The following PCGF6 variants were observed in gnomAD, a reference collection of about 807,000 sequenced individuals.
PCGF6 encodes the protein polycomb group RING finger protein 6.
In PCGF6, 24 loss-of-function variants were observed where a neutral mutation model predicts 45.5. That is an observed-to-expected ratio of 0.53 (90% confidence interval 0.38 to 0.74). The LOEUF (loss-of-function observed/expected upper bound fraction) is 0.74. Ranked by LOEUF, PCGF6 falls within the 30% of genes least tolerant of loss-of-function variation. The pLI, the probability that PCGF6 is intolerant of heterozygous loss-of-function variation, is 0.00. For synonymous variants in PCGF6, 152 were observed against 162.1 expected (o/e 0.94, Z 0.47); for missense variants, 356 against 443.2 (o/e 0.80, Z 1.77).
chr10:103,344,579 T>A (rs2093292619), intron 6 of PCGF6, among the ~76,000 whole-genome samples: 1 of 151,714 alleles, frequency 6.6e-6, no homozygotes, highest in South Asian at 2.1e-4. Context: ...TTTTTTTTTT[T>A]GAGATGGAGT....
chr10:103,342,728 T>C (rs1036637226), intron 6 of PCGF6, among the ~76,000 whole-genome samples: 4 of 152,196 alleles, frequency 2.6e-5, no homozygotes, highest in African/African-American at 9.6e-5. Context: ...ATTATTATAT[T>C]AGTGCATACT....
chr10:103,336,573 G>C (rs1225434978), intron 6 of PCGF6, among the ~76,000 whole-genome samples: 1 of 152,144 alleles, frequency 6.6e-6, no homozygotes, highest in Non-Finnish European at 1.5e-5. Context: ...GGGTGACTTT[G>C]TTAGAAATTG....
intron 6 of PCGF6, among the ~76,000 whole-genome samples, chr10:103,339,117 T>C (rs1592072969): frequency 6.6e-6 from 1 of 152,034 alleles, no homozygotes; most frequent in Middle Eastern, 3.4e-3. Flanking sequence ...TAAATGCTTT[T>C]CTATGTAATA....
chr10:103,311,231 T>C (rs1412412059), intron 9 of PCGF6, among the ~76,000 whole-genome samples: 2 of 152,108 alleles, frequency 1.3e-5, no homozygotes, highest in East Asian at 3.9e-4. Context: ...AAACTCTGCC[T>C]CCCGGGTTCA....
chr10:103,317,459 C>A (rs1402942764), intron 8 of PCGF6, among the ~76,000 whole-genome samples: 3 of 152,022 alleles, frequency 2.0e-5, no homozygotes, highest in Admixed American at 1.3e-4. Flanking sequence ...TTACAAAAAT[C>A]TTTACAAAAT....
chr10:103,332,690 T>C (rs10883855), intron 7 of PCGF6, among the ~76,000 whole-genome samples: 99,788 of 151,994 alleles, frequency 0.66, 32,902 homozygotes, highest in South Asian at 0.71. Flanking sequence ...GCATATATCC[T>C]GGTGCTTAAA....
chr10:103,309,458 T>C (rs1017229594), intron 9 of PCGF6, among the ~76,000 whole-genome samples: 1 of 152,242 alleles, frequency 6.6e-6, no homozygotes, highest in Non-Finnish European at 1.5e-5. Context: ...GTTCCTATCA[T>C]GTTTTTGCCT....
At chr10:103,347,151 AC>A in intron 5 of PCGF6, 86 bp downstream of exon 5, 9 of 988,892 alleles carry the variant, frequency 9.1e-6, no homozygotes, top group Non-Finnish European at 1.4e-5. Context: ...ATAATAAGCT[AC>A]CCCCAAAAGG....
intron 6 of PCGF6, among the ~76,000 whole-genome samples, chr10:103,342,296 T>C (rs2093283824): frequency 6.6e-6 from 1 of 150,998 alleles, no homozygotes. Context: ...TGCAACAGCA[T>C]AATCTTGGGT....
At chr10:103,329,768 C>T (rs144520083) in intron 7 of PCGF6, among the ~76,000 whole-genome samples, 123 of 151,632 alleles carry the variant, frequency 8.1e-4, no homozygotes, top group African/African-American at 2.6e-3. Flanking sequence ...CCACCGTGCC[C>T]GGCCAGTTTT....
chr10:103,338,276 G>T (rs895492724), intron 6 of PCGF6, among the ~76,000 whole-genome samples: 2 of 151,616 alleles, frequency 1.3e-5, no homozygotes, highest in African/African-American at 4.8e-5. Flanking sequence ...AGGTGCAGTG[G>T]CTCATGCCTC....
At chr10:103,313,060 T>C (rs940927900) in intron 9 of PCGF6, among the ~76,000 whole-genome samples, 1 of 152,272 alleles carries the variant, frequency 6.6e-6, no homozygotes, top group Non-Finnish European at 1.5e-5. Context: ...TTCATTAAAC[T>C]TGTAGATCCT....
rs529575563 is a variant in PCGF6, at chr10:103,349,034, T to C, written c.361-35A>G. The C allele has an allele frequency of 1.8e-5, 27 of 1,505,004 alleles. No homozygotes were observed. In the African/African-American group the frequency reaches 3.7e-4, roughly 20 times the overall value. 93.2% of individuals were successfully genotyped at this position (1,505,004 alleles called of 1,614,324 possible). On this transcript the variant is annotated intron_variant, in intron 1 of 9. Transcript: ENST00000369847. The stretch of plus-strand genomic sequence containing the variant: ...AACGGAAACAGTTTTAAAATACAAG[T>C]CCTTGCCTTTTACAAATTCTTTTTT...
intron 6 of PCGF6, among the ~76,000 whole-genome samples, chr10:103,338,783 G>T (rs1025686958): frequency 7.9e-5 from 12 of 151,742 alleles, no homozygotes; most frequent in African/African-American, 2.9e-4. Context: ...CAGGAGAATC[G>T]CTTGAACCCT....
intron 8 of PCGF6, among the ~76,000 whole-genome samples, chr10:103,315,101 A>C (rs1160147680): frequency 1.3e-5 from 2 of 152,158 alleles, no homozygotes; most frequent in Non-Finnish European, 2.9e-5. Flanking sequence ...ACTGACTTGA[A>C]GTTCACACTA....
rs75477360 is a variant in PCGF6, at chr10:103,330,384, T to A, written c.810+3541A>T. On this transcript the variant is annotated intron_variant, in intron 7 of 9. Transcript: ENST00000369847. Reference sequence around the variant, plus strand: ...GCCACCGTGCCTGGACAAGCATATATTGTTTCAACCAGATACATTTTTATA... The same window carrying A: ...GCCACCGTGCCTGGACAAGCATATAATGTTTCAACCAGATACATTTTTATA... 1.4e-3 allele frequency among the ~76,000 whole-genome samples: 218 copies of A among 152,180 alleles called. 1 individual carries two copies. The highest frequency in any genetic ancestry group is 5.0e-3 in the African/African-American group (206 of 41,548).
At chr10:103,347,562 G>T in intron 3 of PCGF6, 112 bp from the exon 4 acceptor site, 1 of 817,640 alleles carries the variant, frequency 1.2e-6, no homozygotes, top group Non-Finnish European at 2.0e-6. Flanking sequence ...TCTCAGAGGT[G>T]AGTTACTTTT....
At chr10:103,349,104 G>C (rs375539031) in intron 1 of PCGF6, 105 bp from the exon 2 acceptor site, 10 of 937,916 alleles carry the variant, frequency 1.1e-5, no homozygotes, top group East Asian at 7.8e-5. Context: ...GCTGAGTGCA[G>C]TGATGTCATC....
intron 8 of PCGF6, among the ~76,000 whole-genome samples, chr10:103,321,263 G>C (rs1209352266): frequency 6.6e-6 from 1 of 152,098 alleles, no homozygotes. Flanking sequence ...TCAGGCTCCA[G>C]AGTAGCTGGG....
Sources: allele counts gnomAD v4.1 joint callset (sites outside exome capture counted in the v4.1 genomes callset), GRCh38; gene constraint gnomAD v4.1.1; transcripts MANE v1.5; gene names NCBI Gene and HGNC (gene_info 2026-07-23, HGNC 2026-07-21).